The following ZNF407 variants were observed in gnomAD, a reference collection of about 807,000 sequenced individuals.
ZNF407 encodes zinc finger protein 407.
In ZNF407, 17 loss-of-function variants were observed where a neutral mutation model predicts 131.2. The observed-to-expected ratio is 0.13, with a 90% CI of 0.09 to 0.19. The LOEUF is 0.19. ZNF407 is among the 10% of genes least tolerant of loss of function. ZNF407 has a pLI of 1.00. For missense variants in ZNF407, 2,681 were observed against 2,830.6 expected (o/e 0.95, Z 1.20); for synonymous variants, 1,156 against 1,062.0 (o/e 1.09, Z -1.72).
intron 8 of ZNF407, among the ~76,000 whole-genome samples, chr18:74,970,339 T>G (rs1972458539): frequency 1.3e-5 from 2 of 152,176 alleles, no homozygotes; most frequent in African/African-American, 4.8e-5. Context: ...AAAGTCTTAT[T>G]TCAGCATTAA....
At chr18:74,672,739 A>G (rs1190259599) in intron 3 of ZNF407, among the ~76,000 whole-genome samples, 1 of 152,164 alleles carries the variant, frequency 6.6e-6, no homozygotes, top group Non-Finnish European at 1.5e-5. Context: ...ATAATGCTGA[A>G]TAGCTTTCTT....
At chr18:74,711,872 G>A (rs1599090231) in intron 3 of ZNF407, among the ~76,000 whole-genome samples, 1 of 151,912 alleles carries the variant, frequency 6.6e-6, no homozygotes, top group African/African-American at 2.4e-5. Flanking sequence ...CACCACACCC[G>A]ATTAATTTTT....
chr18:74,662,205 T>C (rs912654611), intron 3 of ZNF407, among the ~76,000 whole-genome samples: 1 of 152,216 alleles, frequency 6.6e-6, no homozygotes, highest in Non-Finnish European at 1.5e-5. Context: ...GATTTTGTTG[T>C]TGTTAATGAA....
chr18:75,004,185 G>A (rs369681433), intron 8 of ZNF407, among the ~76,000 whole-genome samples: 14 of 152,268 alleles, frequency 9.2e-5, no homozygotes, highest in East Asian at 5.8e-4. Flanking sequence ...CGCGGTGCAC[G>A]TCGTAGCACC....
intron 8 of ZNF407, among the ~76,000 whole-genome samples, chr18:74,941,574 A>G (rs1599255757): frequency 6.6e-6 from 1 of 152,260 alleles, no homozygotes; most frequent in Admixed American, 6.5e-5. Flanking sequence ...TGAATATAGC[A>G]TTTCAAGTAT....
intron 8 of ZNF407, among the ~76,000 whole-genome samples, chr18:74,992,697 G>A (rs1972732934): frequency 6.6e-6 from 1 of 152,208 alleles, no homozygotes; most frequent in African/African-American, 2.4e-5. Context: ...TTTGCAATAA[G>A]GCAAGTGTTG....
chr18:74,836,920 C>A (rs1473860643), intron 4 of ZNF407, among the ~76,000 whole-genome samples: 1 of 152,090 alleles, frequency 6.6e-6, no homozygotes, highest in African/African-American at 2.4e-5. Flanking sequence ...CCTGGGGAAG[C>A]TTTTATTTGG....
Position 75,064,827 on chromosome 18 carries a change from C to G in ZNF407, c.*359C>G, listed in dbSNP as rs1407755106. 1 of 192,690 alleles carries G rather than the reference C, an allele frequency of 5.2e-6. No individual in the cohort carries two copies. Among genetic ancestry groups the G allele is most frequent in the African/African-American group, 2.3e-5 (1 of 43,090 alleles). The allele number at this position is 192,690 out of a possible 1,614,324, so 11.9% of individuals were successfully genotyped here. A position where few individuals can be genotyped will look rare whatever the true frequency, so the allele number is the denominator to read the frequency against. On this transcript the variant is annotated 3_prime_UTR_variant, in exon 9 of 9. Coordinates refer to ENST00000299687, the MANE Select transcript of ZNF407 (RefSeq NM_017757.3). Reference sequence around the variant, plus strand: ...GTGTTTTTCTCTCCCAAGTGTTTTCCCATTTCAGTTATCAGAAGGTCATGG... The same window carrying G: ...GTGTTTTTCTCTCCCAAGTGTTTTCGCATTTCAGTTATCAGAAGGTCATGG...
intron 7 of ZNF407, among the ~76,000 whole-genome samples, chr18:74,918,613 C>CT (rs768759214): frequency 2.0e-5 from 3 of 152,270 alleles, no homozygotes; most frequent in Non-Finnish European, 4.4e-5. Context: ...TGTATTTAGT[C>CT]TAAGATCTCA....
intron 5 of ZNF407, among the ~76,000 whole-genome samples, chr18:74,880,351 A>G (rs1001579811): frequency 6.6e-6 from 1 of 152,228 alleles, no homozygotes; most frequent in African/African-American, 2.4e-5. Flanking sequence ...AAGGTTTCCA[A>G]TCCAGAGCTG....
chr18:74,954,826 G>A lies in ZNF407; in HGVS notation c.5428+34134G>A, dbSNP rs187007598. On this transcript the variant is annotated intron_variant, in intron 8 of 8. Transcript: ENST00000299687. ...TCAACACCATCATTGCCATCCTTTCGAGTGACCATTCTAGTCCAGTACTTG... is the reference window on the plus strand; with the variant it reads ...TCAACACCATCATTGCCATCCTTTCAAGTGACCATTCTAGTCCAGTACTTG... Among the ~76,000 whole-genome samples, 16 of 152,188 alleles carry A rather than the reference G, an allele frequency of 1.1e-4. No homozygotes were observed. The East Asian group carries it at 2.7e-3, about 26-fold the overall frequency.
At chr18:74,730,657 C>T (rs972800214) in intron 3 of ZNF407, among the ~76,000 whole-genome samples, 2 of 152,164 alleles carry the variant, frequency 1.3e-5, no homozygotes, top group Non-Finnish European at 2.9e-5. Context: ...TTAACCATCA[C>T]CCTGTACAAT....
Position 74,635,965 on chromosome 18 carries a change from C to G in ZNF407, c.4687+259C>G, listed in dbSNP as rs1340908370. Among the ~76,000 whole-genome samples, 2 of 152,150 alleles carry G rather than the reference C, an allele frequency of 1.3e-5. No homozygotes were observed. The highest frequency in any genetic ancestry group is 4.8e-5 in the African/African-American group (2 of 41,424). ...TCAAAAAGCCTAGTCCCTCTGATGCCTTTTAAAAACTGCTGTCTGTTGGCG... is the reference window on the plus strand; with the variant it reads ...TCAAAAAGCCTAGTCCCTCTGATGCGTTTTAAAAACTGCTGTCTGTTGGCG... On this transcript the variant is annotated intron_variant, in intron 2 of 8. Transcript: ENST00000299687. The surrounding 1 kb of genome is among the most constrained non-coding windows in gnomAD (Gnocchi z 4.7).
At chr18:74,620,824 A>G (rs889469955) in intron 1 of ZNF407, among the ~76,000 whole-genome samples, 142,784 of 152,102 alleles carry the variant, frequency 0.94, 67,074 homozygotes, top group African/African-American at 0.97. Flanking sequence ...GTGGCCAGAG[A>G]ACTGGGACTC....
At chr18:74,918,401 T>G (rs1971801319) in intron 7 of ZNF407, among the ~76,000 whole-genome samples, 1 of 152,264 alleles carries the variant, frequency 6.6e-6, no homozygotes, top group Non-Finnish European at 1.5e-5. Flanking sequence ...TGTGTAGCAG[T>G]CTTGACCTCA....
chr18:75,006,895 A>G (rs943352476), intron 8 of ZNF407, among the ~76,000 whole-genome samples: 1 of 151,156 alleles, frequency 6.6e-6, no homozygotes, highest in Non-Finnish European at 1.5e-5. Context: ...TAGAATTCTT[A>G]TATGTTGCTG....
chr18:75,029,807 G>A (rs2122219729), intron 8 of ZNF407, among the ~76,000 whole-genome samples: 1 of 152,322 alleles, frequency 6.6e-6, no homozygotes, highest in Non-Finnish European at 1.5e-5. Context: ...GTCTTAGAAT[G>A]TCATACAGCT....
chr18:74,959,468 C>G (rs1157184386), intron 8 of ZNF407, among the ~76,000 whole-genome samples: 1 of 152,192 alleles, frequency 6.6e-6, no homozygotes, highest in Non-Finnish European at 1.5e-5. Context: ...ATGCAACCAT[C>G]ATGCCATTGA....
At chr18:74,865,720 A>G (rs1455752485) in intron 4 of ZNF407, among the ~76,000 whole-genome samples, 1 of 152,246 alleles carries the variant, frequency 6.6e-6, no homozygotes. Context: ...TATGAGAAGT[A>G]GATTAAATCT....
Sources: allele counts gnomAD v4.1 joint callset (sites outside exome capture counted in the v4.1 genomes callset), GRCh38; gene constraint gnomAD v4.1.1; non-coding constraint Gnocchi (gnomAD v3.1); transcripts MANE v1.5; gene names NCBI Gene and HGNC (gene_info 2026-07-23, HGNC 2026-07-21).